SCAPER: variants seen among roughly 807,000 people sequenced by gnomAD.
SCAPER encodes S phase cyclin A-associated protein in the endoplasmic reticulum.
SCAPER carries 98 observed loss-of-function variants against 182.2 expected under a neutral mutation model. That is an observed-to-expected ratio of 0.54 (90% confidence interval 0.46 to 0.64). The LOEUF is 0.64. Among genes scored for constraint, SCAPER ranks in the 30% least tolerant of loss-of-function variants. The pLI is 0.00. For missense variants in SCAPER, 1,432 were observed against 1,690.0 expected, an observed-to-expected ratio of 0.85 and a Z score of 2.68; for synonymous variants, 605 against 564.6, an observed-to-expected ratio of 1.07 and a Z score of -1.01.
At position 76,702,792 on chromosome 15, in the gene SCAPER, T is replaced by A. The variant is rs1439554381; in HGVS notation, c.2400+58A>T. The A allele has an allele frequency of 1.3e-5, 20 of 1,544,722 alleles. 1 individual carries two copies. The highest frequency in any genetic ancestry group is 3.4e-4 in the Middle Eastern group (2 of 5,908). The stretch of plus-strand genomic sequence containing the variant: ...AAAAGACTGCAAGAATATATTTCCA[T>A]GGTTTCATAAACTTTAGTAGTAAAC... On this transcript the variant is annotated intron_variant, in intron 19 of 31. Coordinates refer to ENST00000563290, the MANE Select transcript of SCAPER (RefSeq NM_020843.4).
At position 76,455,618 on chromosome 15, in the gene SCAPER, A is replaced by T. The variant is rs181639898; in HGVS notation, c.3078+15594T>A. Reference sequence around the variant, plus strand: ...GCCTTCTGAGAAGCTGGAATTATAGATGTACACCACCACACCTAGTATTTT... The same window carrying T: ...GCCTTCTGAGAAGCTGGAATTATAGTTGTACACCACCACACCTAGTATTTT... On this transcript the variant is annotated intron_variant, in intron 25 of 31. Transcript: ENST00000563290. Among the ~76,000 whole-genome samples the T allele has an allele frequency of 7.2e-5, 11 of 152,292 alleles. No homozygotes were observed. The East Asian group carries it at 2.1e-3, about 29-fold the overall frequency.
At chr15:76,735,179 A>G (rs547415572) in intron 15 of SCAPER, among the ~76,000 whole-genome samples, 4 of 151,960 alleles carry the variant, frequency 2.6e-5, no homozygotes, top group South Asian at 4.2e-4. Flanking sequence ...GACTATCTCT[A>G]TTAAATATAA....
chr15:76,554,227 A>G (rs1349169674), intron 23 of SCAPER, among the ~76,000 whole-genome samples: 2 of 152,236 alleles, frequency 1.3e-5, no homozygotes, highest in African/African-American at 4.8e-5. Flanking sequence ...AGCTGAGGAA[A>G]GAATCTCAGA....
rs928995362 is a variant in SCAPER at position 76,551,471 on chromosome 15, C to T, written c.2838+22687G>A. On this transcript the variant is annotated intron_variant, in intron 23 of 31. Transcript: ENST00000563290. ...TATGCCAGGCAGAGAAAGACAAATA[C>T]TGTATGACCTCATTCATTTGTGGAA... Among the ~76,000 whole-genome samples the T allele has an allele frequency of 3.9e-5, 6 of 152,138 alleles. No individual in the cohort carries two copies. In the South Asian group the frequency reaches 1.2e-3, roughly 32 times the overall value.
At chr15:76,551,665 T>C (rs1177499623) in intron 23 of SCAPER, among the ~76,000 whole-genome samples, 1 of 152,140 alleles carries the variant, frequency 6.6e-6, no homozygotes, top group East Asian at 1.9e-4. Flanking sequence ...TAGTTAACAA[T>C]ACTCTGTATA....
chr15:76,389,450 G>C (rs1469718899), intron 27 of SCAPER, among the ~76,000 whole-genome samples: 1 of 130,940 alleles, frequency 7.6e-6, no homozygotes, highest in Non-Finnish European at 1.6e-5. Context: ...GCAGTGAGCC[G>C]AGTTTGCATT....
chr15:76,379,535 C>T (rs1596355636), intron 28 of SCAPER, among the ~76,000 whole-genome samples: 1 of 152,228 alleles, frequency 6.6e-6, no homozygotes, highest in East Asian at 1.9e-4. Flanking sequence ...TTGAACCACT[C>T]TGGTTTTATT....
At chr15:76,366,607 T>C (rs185246564) in intron 29 of SCAPER, among the ~76,000 whole-genome samples, 18 of 152,352 alleles carry the variant, frequency 1.2e-4, no homozygotes, top group Admixed American at 9.8e-4. Context: ...CATTGATTCA[T>C]TGAGCCATTC....
intron 1 of SCAPER, among the ~76,000 whole-genome samples, chr15:76,887,566 A>C (rs2073912011): frequency 6.6e-6 from 1 of 152,196 alleles, no homozygotes; most frequent in African/African-American, 2.4e-5. Flanking sequence ...TAGCAGTCTA[A>C]GATCAACCTG....
intron 23 of SCAPER, among the ~76,000 whole-genome samples, chr15:76,511,837 A>G (rs1186127539): frequency 3.3e-5 from 1 of 30,204 alleles, no homozygotes; most frequent in Non-Finnish European, 1.2e-4. Flanking sequence ...TATTATATAT[A>G]TATATATGTG....
intron 5 of SCAPER, among the ~76,000 whole-genome samples, chr15:76,825,256 T>C (rs1365114490): frequency 6.8e-6 from 1 of 147,572 alleles, no homozygotes; most frequent in Non-Finnish European, 1.5e-5. Context: ...AATTTGGTGA[T>C]TTTTTTTTTA....
intron 20 of SCAPER, among the ~76,000 whole-genome samples, chr15:76,669,177 A>G (rs1470363628): frequency 1.3e-5 from 2 of 151,784 alleles, no homozygotes; most frequent in Non-Finnish European, 2.9e-5. Flanking sequence ...AGTTGTGCTC[A>G]CTTTCCAAAT....
chr15:76,858,974 T>C (rs1260518802), intron 3 of SCAPER, among the ~76,000 whole-genome samples: 1 of 152,204 alleles, frequency 6.6e-6, no homozygotes, highest in Non-Finnish European at 1.5e-5. Context: ...TTTATATTCT[T>C]TGAGTATATA....
chr15:76,557,713 G>C (rs2046293582), intron 23 of SCAPER, among the ~76,000 whole-genome samples: 1 of 152,114 alleles, frequency 6.6e-6, no homozygotes, highest in South Asian at 2.1e-4. Flanking sequence ...TTCTGTATCA[G>C]TTACCCAGTC....
intron 25 of SCAPER, among the ~76,000 whole-genome samples, chr15:76,465,669 C>T (rs1386059947): frequency 2.0e-5 from 3 of 152,016 alleles, no homozygotes; most frequent in African/African-American, 2.4e-5. Context: ...GAAGGTTTTC[C>T]CCTATGTTTT....
chr15:76,894,045 G>C (rs746275080), intron 1 of SCAPER, among the ~76,000 whole-genome samples: 1 of 152,186 alleles, frequency 6.6e-6, no homozygotes, highest in Non-Finnish European at 1.5e-5. Context: ...GCGGTCAGGA[G>C]TTCAAGACCA....
chr15:76,519,190 T>G (rs2144249779), intron 23 of SCAPER, among the ~76,000 whole-genome samples: 1 of 152,308 alleles, frequency 6.6e-6, no homozygotes, highest in Non-Finnish European at 1.5e-5. Context: ...GAGGATTAAT[T>G]TATATTTACA....
At chr15:76,751,669 AG>A (rs2062091469) in intron 15 of SCAPER, among the ~76,000 whole-genome samples, 1 of 151,770 alleles carries the variant, frequency 6.6e-6, no homozygotes, top group African/African-American at 2.4e-5. Flanking sequence ...AAAACTCGAC[AG>A]CCACATGGCA....
At chr15:76,516,087 C>T (rs1003438482) in intron 23 of SCAPER, among the ~76,000 whole-genome samples, 1 of 151,804 alleles carries the variant, frequency 6.6e-6, no homozygotes, top group Non-Finnish European at 1.5e-5. Flanking sequence ...ACCACAGGGC[C>T]TTTGTCAATC....
Sources: gnomAD v4.1 joint callset for allele counts (sites outside exome capture counted in the v4.1 genomes callset) on GRCh38, gnomAD v4.1.1 for gene constraint, MANE v1.5 for transcripts, NCBI Gene and HGNC (gene_info 2026-07-23, HGNC 2026-07-21) for gene names.